The following SGCD variants were observed in gnomAD, a reference collection of about 807,000 sequenced individuals.
SGCD encodes delta-sarcoglycan.
Under a neutral mutation model 36.6 loss-of-function variants are expected in SGCD, and 18 were observed. That is an observed-to-expected ratio of 0.49 (90% CI 0.34 to 0.73). The LOEUF (loss-of-function observed/expected upper bound fraction) is 0.73. Ranked by LOEUF, SGCD falls within the 30% of genes least tolerant of loss-of-function variation. The pLI is 0.01. For missense variants in SGCD, 387 were observed against 346.7 expected (o/e 1.12, Z -0.92); for synonymous variants, 133 against 130.6 (o/e 1.02, Z -0.12).
intron 1 of SGCD, among the ~76,000 whole-genome samples, chr5:155,912,753 C>T (rs1756655304): frequency 6.6e-6 from 1 of 152,004 alleles, no homozygotes; most frequent in Non-Finnish European, 1.5e-5. Flanking sequence ...CCTCTTCCTT[C>T]TCTTCTCTTT....
chr5:156,413,979 A>C (rs1237687940), intron 3 of SGCD, among the ~76,000 whole-genome samples: 2 of 152,216 alleles, frequency 1.3e-5, no homozygotes, highest in Non-Finnish European at 2.9e-5. Context: ...CAGAAGAGAT[A>C]AAACTAACTC....
chr5:156,406,168 A>C (rs755823664), intron 3 of SGCD, among the ~76,000 whole-genome samples: 2 of 152,184 alleles, frequency 1.3e-5, no homozygotes, highest in Non-Finnish European at 2.9e-5. Flanking sequence ...AAGGCAAGAA[A>C]TAACCTGAGA....
intron 3 of SGCD, among the ~76,000 whole-genome samples, chr5:156,131,503 A>G (rs1462383171): frequency 6.6e-6 from 1 of 152,244 alleles, no homozygotes; most frequent in East Asian, 1.9e-4. Flanking sequence ...AGATTATATG[A>G]ACAATGACAT....
At chr5:156,649,317 T>C (rs1763364475) in intron 7 of SGCD, among the ~76,000 whole-genome samples, 1 of 151,938 alleles carries the variant, frequency 6.6e-6, no homozygotes, top group Non-Finnish European at 1.5e-5. Flanking sequence ...TCCTCAGGGA[T>C]CTAGAACTGG....
chr5:155,891,112 G>A (rs1224744877), intron 1 of SGCD, among the ~76,000 whole-genome samples: 2 of 152,214 alleles, frequency 1.3e-5, no homozygotes, highest in Non-Finnish European at 2.9e-5. Context: ...AGTATGTGGA[G>A]CATCAGATGA....
chr5:155,790,377 G>GA, the SGCD span, among the ~76,000 whole-genome samples: 2 of 152,008 alleles, frequency 1.3e-5, no homozygotes, highest in African/African-American at 2.4e-5. Context: ...AACTTCCAGA[G>GA]AATCAGAATA....
chr5:156,564,118 T>C (rs989463202), intron 4 of SGCD, among the ~76,000 whole-genome samples: 1 of 152,232 alleles, frequency 6.6e-6, no homozygotes, highest in African/African-American at 2.4e-5. Flanking sequence ...ACACTATTGT[T>C]TTTAGTTCTC....
chr5:156,234,644 A>G (rs1015438537), intron 3 of SGCD, among the ~76,000 whole-genome samples: 7 of 152,212 alleles, frequency 4.6e-5, no homozygotes, highest in Non-Finnish European at 1.0e-4. Context: ...ACTCGATTCT[A>G]CTTACTTCAG....
chr5:155,988,322 A>G (rs1452878132), intron 1 of SGCD, among the ~76,000 whole-genome samples: 2 of 152,168 alleles, frequency 1.3e-5, no homozygotes, highest in Non-Finnish European at 2.9e-5. Context: ...TTCGTTAGAA[A>G]AAAATACGTT....
intron 3 of SGCD, among the ~76,000 whole-genome samples, chr5:156,410,059 G>A (rs1393244193): frequency 6.6e-6 from 1 of 152,062 alleles, no homozygotes; most frequent in Non-Finnish European, 1.5e-5. Flanking sequence ...TTTCAATCTG[G>A]CTTCTGAACC....
At chr5:156,438,472 C>A (rs1054287803) in intron 3 of SGCD, among the ~76,000 whole-genome samples, 2 of 151,956 alleles carry the variant, frequency 1.3e-5, no homozygotes, top group Non-Finnish European at 2.9e-5. Context: ...TTTTCATGCA[C>A]AGCAGCAAAG....
chr5:155,906,000 A>G (rs557662789), intron 1 of SGCD, among the ~76,000 whole-genome samples: 24 of 152,230 alleles, frequency 1.6e-4, no homozygotes, highest in African/African-American at 5.5e-4. Context: ...CTTTTCAGCA[A>G]CCTTGCATCA....
chr5:156,447,087 C>T (rs976518097), intron 3 of SGCD, among the ~76,000 whole-genome samples: 9 of 152,064 alleles, frequency 5.9e-5, no homozygotes, highest in Non-Finnish European at 1.3e-4. Context: ...TGGGATAACA[C>T]AGGTCGTTAA....
At chr5:156,577,092 C>G (rs910878323) in intron 4 of SGCD, among the ~76,000 whole-genome samples, 3 of 152,008 alleles carry the variant, frequency 2.0e-5, no homozygotes, top group Non-Finnish European at 4.4e-5. Flanking sequence ...ATTAATTTTT[C>G]TATAAAGTGT....
rs532288686 is a variant in SGCD, at chr5:156,628,507, A to G, written c.503-18957A>G. Among the ~76,000 whole-genome samples, 91 of 152,374 alleles carry G rather than the reference A, an allele frequency of 6.0e-4. 3 individuals carry two copies. In the South Asian group the frequency reaches 0.018, roughly 29 times the overall value. The stretch of plus-strand genomic sequence containing the variant: ...AAATATTTATCTTCCATTACTAAGT[A>G]TAAATCATACTTAGTTTATAATGAG... On this transcript the variant is annotated intron_variant, in intron 6 of 8. Coordinates refer to ENST00000337851, the MANE Select transcript of SGCD (RefSeq NM_000337.6).
intron 1 of SGCD, among the ~76,000 whole-genome samples, chr5:155,947,018 G>T (rs1197914105): frequency 6.6e-6 from 1 of 152,180 alleles, no homozygotes; most frequent in Admixed American, 6.5e-5. Flanking sequence ...CAGGAACCCA[G>T]GTTTCCAGTC....
chr5:156,312,626 T>G (rs1287641023), intron 3 of SGCD, among the ~76,000 whole-genome samples: 1 of 152,186 alleles, frequency 6.6e-6, no homozygotes, highest in Non-Finnish European at 1.5e-5. Flanking sequence ...GGATCCCATC[T>G]TTATCTCTTA....
chr5:156,181,873 T>A (rs555032497), intron 3 of SGCD, among the ~76,000 whole-genome samples: 2 of 152,310 alleles, frequency 1.3e-5, no homozygotes, highest in Admixed American at 1.3e-4. Flanking sequence ...TAGCTAATCA[T>A]TTATGAGGCA....
intron 1 of SGCD, among the ~76,000 whole-genome samples, chr5:156,104,750 T>C (rs1315617960): frequency 6.6e-6 from 1 of 152,158 alleles, no homozygotes; most frequent in East Asian, 1.9e-4. Context: ...AAATCTTAGT[T>C]CTTTCTGGGC....
Sources: allele counts gnomAD v4.1 joint callset (sites outside exome capture counted in the v4.1 genomes callset), GRCh38; gene constraint gnomAD v4.1.1; transcripts MANE v1.5; gene names NCBI Gene and HGNC (gene_info 2026-07-23, HGNC 2026-07-21).